The following MICU1 variants were observed in gnomAD, a reference collection of about 807,000 sequenced individuals.
MICU1 encodes mitochondrial calcium uptake 1, also known as calcium uptake protein 1, mitochondrial.
In MICU1, 45 loss-of-function variants were observed where a neutral mutation model predicts 56.8. That is an observed-to-expected ratio of 0.79 (90% confidence interval 0.62 to 1.02). The LOEUF (loss-of-function observed/expected upper bound fraction) is 1.02, where lower values mean the gene tolerates loss of function less well. Ranked by LOEUF, MICU1 falls within the 50% of genes least tolerant of loss-of-function variation. The probability of loss-of-function intolerance (pLI) is 0.00; values close to 1 mark genes in which losing one functional copy is unlikely to be tolerated. For synonymous variants in MICU1, 186 were observed against 195.1 expected (o/e 0.95, Z 0.39); for missense variants, 504 against 587.1 (o/e 0.86, Z 1.46).
chr10:72,387,885 C>A (rs1187157345), intron 10 of MICU1, among the ~76,000 whole-genome samples: 2 of 151,700 alleles, frequency 1.3e-5, no homozygotes, highest in African/African-American at 4.8e-5. Context: ...AAAGCCAGCA[C>A]CTATGGGTTG....
At chr10:72,381,283 G>C (rs990953332) in intron 10 of MICU1, among the ~76,000 whole-genome samples, 2 of 152,182 alleles carry the variant, frequency 1.3e-5, no homozygotes, top group Non-Finnish European at 2.9e-5. Flanking sequence ...ACTGGTGATG[G>C]CCAAGGTTAA....
chr10:72,539,436 G>GA (rs2132421553), intron 4 of MICU1, among the ~76,000 whole-genome samples: 1 of 152,248 alleles, frequency 6.6e-6, no homozygotes, highest in African/African-American at 2.4e-5. Context: ...ATAACAGGAG[G>GA]AACTTTGGAA....
At chr10:72,382,199 T>A (rs1225387189) in intron 10 of MICU1, among the ~76,000 whole-genome samples, 1 of 150,504 alleles carries the variant, frequency 6.6e-6, no homozygotes, top group Non-Finnish European at 1.5e-5. Flanking sequence ...CAACCTCGCC[T>A]CCCGGGTTTA....
intron 8 of MICU1, among the ~76,000 whole-genome samples, chr10:72,450,755 C>G (rs1212432637): frequency 2.9e-5 from 4 of 139,952 alleles, no homozygotes; most frequent in Admixed American, 7.5e-5. Context: ...GATGGGATCT[C>G]ACTCTCTCAT....
chr10:72,599,644 G>C (rs1841471056), intron 1 of MICU1, among the ~76,000 whole-genome samples: 1 of 152,146 alleles, frequency 6.6e-6, no homozygotes, highest in Admixed American at 6.6e-5. Context: ...AAACAGTAAA[G>C]CCAGCATCAC....
intron 10 of MICU1, among the ~76,000 whole-genome samples, chr10:72,403,934 C>T (rs978654163): frequency 9.9e-5 from 15 of 150,814 alleles, no homozygotes; most frequent in Admixed American, 2.6e-4. Context: ...GGATTACAGG[C>T]GTGAGCCACC....
intron 10 of MICU1, among the ~76,000 whole-genome samples, chr10:72,396,322 A>G (rs774037025): frequency 3.9e-5 from 6 of 152,242 alleles, no homozygotes; most frequent in Non-Finnish European, 8.8e-5. Flanking sequence ...AACCACAAAG[A>G]TGGGGAGAAA....
intron 8 of MICU1, among the ~76,000 whole-genome samples, chr10:72,446,334 G>GT (rs781444788): frequency 6.0e-5 from 9 of 149,916 alleles, no homozygotes; most frequent in Non-Finnish European, 1.3e-4. Flanking sequence ...TTTTTGTTTC[G>GT]TTTTTTTGAG....
intron 1 of MICU1, among the ~76,000 whole-genome samples, chr10:72,572,149 C>T (rs1170639613): frequency 1.3e-5 from 2 of 152,102 alleles, no homozygotes; most frequent in African/African-American, 4.8e-5. Flanking sequence ...AGCTCACTCA[C>T]TGGTAAAATG....
rs1380943281 is a variant in MICU1, at chr10:72,491,168, T to C, written c.653-13912A>G. Among the ~76,000 whole-genome samples the C allele has an allele frequency of 5.3e-5, 8 of 152,372 alleles. 1 individual carries two copies. The highest frequency in any genetic ancestry group is 6.8e-3 in the Middle Eastern group (2 of 294). ...TTAATGCTTTAAACAGTTCCGTCTC[T>C]GGGTGCTGAGACAAGTTGGATGATT... On this transcript the variant is annotated intron_variant, in intron 6 of 11. Transcript: ENST00000361114.
chr10:72,595,458 A>G (rs1841352391), intron 1 of MICU1, among the ~76,000 whole-genome samples: 1 of 93,760 alleles, frequency 1.1e-5, no homozygotes, highest in African/African-American at 3.9e-5. Context: ...AAAAAAAAAA[A>G]AAAAAAGAAA....
intron 4 of MICU1, among the ~76,000 whole-genome samples, chr10:72,550,736 A>G (rs1402706549): frequency 2.0e-5 from 3 of 152,194 alleles, no homozygotes; most frequent in South Asian, 2.1e-4. Flanking sequence ...GTGGTACTGC[A>G]TAAGTTTTGG....
At chr10:72,473,653 G>A (rs1293472482) in intron 8 of MICU1, among the ~76,000 whole-genome samples, 3 of 152,120 alleles carry the variant, frequency 2.0e-5, no homozygotes, top group South Asian at 2.1e-4. Context: ...AGAGGAAACC[G>A]GAGTACTCAG....
At chr10:72,371,322 G>C (rs1862328513) in intron 11 of MICU1, among the ~76,000 whole-genome samples, 1 of 146,998 alleles carries the variant, frequency 6.8e-6, no homozygotes, top group South Asian at 2.1e-4. Flanking sequence ...GGGAGGTGGA[G>C]CTTGCAGTGA....
intron 3 of MICU1, among the ~76,000 whole-genome samples, chr10:72,562,340 G>A (rs1840321597): frequency 2.0e-5 from 3 of 151,738 alleles, no homozygotes; most frequent in South Asian, 4.2e-4. Context: ...TTTTAGTAGA[G>A]ACAGGGTTTC....
Position 72,367,949 on chromosome 10 carries a change from A to C in MICU1, c.*246T>G. 1 of 432,548 alleles carries C rather than the reference A, an allele frequency of 2.3e-6. No homozygotes were observed. The highest frequency in any genetic ancestry group is 4.1e-6 in the Non-Finnish European group (1 of 241,946). The allele number at this position is 432,548 out of a possible 1,614,324, so 26.8% of individuals were successfully genotyped here. On this transcript the variant is annotated 3_prime_UTR_variant, in exon 12 of 12. Transcript: ENST00000361114. ...TGGGTGGTGCTGTTGAGGCTGACAA[A>C]TGTCTGAGCTTTACAGACTTGTTCA...
chr10:72,539,182 T>C (rs1839708076), intron 4 of MICU1, among the ~76,000 whole-genome samples: 1 of 152,116 alleles, frequency 6.6e-6, no homozygotes, highest in Non-Finnish European at 1.5e-5. Context: ...GGGCAGATCA[T>C]CTAGATAGAA....
chr10:72,430,693 T>C (rs1170496238), intron 8 of MICU1, among the ~76,000 whole-genome samples: 1 of 151,876 alleles, frequency 6.6e-6, no homozygotes, highest in Non-Finnish European at 1.5e-5. Flanking sequence ...CCTGAGTAGC[T>C]GGGACTACAG....
At chr10:72,610,355 G>A (rs986106864) in intron 1 of MICU1, among the ~76,000 whole-genome samples, 3 of 151,776 alleles carry the variant, frequency 2.0e-5, no homozygotes, top group Non-Finnish European at 4.4e-5. Flanking sequence ...CAAATTATGT[G>A]GAATATGGCA....
Sources: gnomAD v4.1 joint callset for allele counts (sites outside exome capture counted in the v4.1 genomes callset) on GRCh38, gnomAD v4.1.1 for gene constraint, MANE v1.5 for transcripts, NCBI Gene and HGNC (gene_info 2026-07-23, HGNC 2026-07-21) for gene names.